CUEDC1: variants seen among roughly 807,000 people sequenced by gnomAD.
The protein encoded by CUEDC1 is CUE domain containing 1, also known as CUE domain-containing protein 1.
In CUEDC1, 30 loss-of-function variants were observed where a neutral mutation model predicts 43.7. The observed-to-expected ratio is 0.69, with a 90% CI of 0.51 to 0.93. CUEDC1 has a LOEUF of 0.93. Among genes scored for constraint, CUEDC1 ranks in the 40% least tolerant of loss-of-function variants. CUEDC1 has a pLI of 0.00. For missense variants in CUEDC1, 486 were observed against 549.0 expected, an observed-to-expected ratio of 0.89 and a Z score of 1.15; for synonymous variants, 223 against 223.6, an observed-to-expected ratio of 1.00 and a Z score of 0.02.
chr17:57,882,539 G>C (rs2074224813), intron 2 of CUEDC1, among the ~76,000 whole-genome samples: 1 of 152,164 alleles, frequency 6.6e-6, no homozygotes, highest in Non-Finnish European at 1.5e-5. Flanking sequence ...CTTGCAGAGA[G>C]CTTTCCTTCC....
intron 1 of CUEDC1, among the ~76,000 whole-genome samples, chr17:57,904,807 G>A (rs1298789118): frequency 1.3e-5 from 2 of 152,182 alleles, no homozygotes; most frequent in Admixed American, 1.3e-4. Flanking sequence ...CCTCGGCTCT[G>A]CAGGGGTGGC....
chr17:57,883,577 G>A (rs2074245259), intron 2 of CUEDC1, among the ~76,000 whole-genome samples: 1 of 152,074 alleles, frequency 6.6e-6, no homozygotes, highest in Admixed American at 6.5e-5. Context: ...TACAAAATTA[G>A]CCGGTCATGA....
At chr17:57,948,381 G>A (rs1042778659) in intron 1 of CUEDC1, among the ~76,000 whole-genome samples, 8 of 152,008 alleles carry the variant, frequency 5.3e-5, no homozygotes, top group East Asian at 1.9e-4. Context: ...GAGCACCCCC[G>A]GGTGATGCTG....
chr17:57,953,415 A>G (rs2075026323), intron 1 of CUEDC1, among the ~76,000 whole-genome samples: 1 of 152,192 alleles, frequency 6.6e-6, no homozygotes, highest in African/African-American at 2.4e-5. Flanking sequence ...CCACAAGCCC[A>G]AAGTTGCATA....
chr17:57,888,195 G>A (rs1217066348), intron 1 of CUEDC1, among the ~76,000 whole-genome samples: 3 of 152,094 alleles, frequency 2.0e-5, no homozygotes, highest in African/African-American at 2.4e-5. Flanking sequence ...GAGCCACTGC[G>A]CCCGGCATTA....
At position 57,871,360 on chromosome 17, in the gene CUEDC1, T is replaced by G. The variant is rs1378096909; in HGVS notation, c.794A>C (p.Lys265Thr). 1 of 1,613,640 alleles carries G rather than the reference T, an allele frequency of 6.2e-7. No individual in the cohort carries two copies. The highest frequency in any genetic ancestry group is 1.3e-5 in the African/African-American group (1 of 74,914). Reference sequence around the variant, plus strand: ...GGATTTAGATTTCTGGGATTCGTATTTCAATCGATCTGGAAAAGGACCACA... The same window carrying G: ...GGATTTAGATTTCTGGGATTCGTATGTCAATCGATCTGGAAAAGGACCACA... The part of the protein sequence containing the change: ...FLLALERDRL[K>T]YESQKSKSSS... The change falls in exon 6 of 11, where the codon AAA becomes ACA. Residue 265 changes from lysine (K) to threonine (T), a missense_variant. Coordinates refer to ENST00000577830, the MANE Select transcript of CUEDC1 (RefSeq NM_001271875.2).
chr17:57,868,225 AAC>A lies in CUEDC1; in HGVS notation c.957_958del (p.Phe320Ter). On this transcript the variant is annotated frameshift_variant, in exon 8 of 11. Coordinates refer to ENST00000577830, the MANE Select transcript of CUEDC1 (RefSeq NM_001271875.2). LOFTEE classifies it high-confidence loss of function. The stretch of plus-strand genomic sequence containing the variant: ...CTCTGAGAAGGCTCGGGCAAGTTCA[AAC>A]AGTTTCCTCCGGGTGGCTGGGGGCA... 1 of 1,614,136 alleles carries A rather than the reference AAC, an allele frequency of 6.2e-7. No individual in the cohort carries two copies. The highest frequency in any genetic ancestry group is 8.5e-7 in the Non-Finnish European group (1 of 1,179,990).
At chr17:57,916,191 A>T (rs1475290807) in intron 1 of CUEDC1, among the ~76,000 whole-genome samples, 2 of 152,240 alleles carry the variant, frequency 1.3e-5, no homozygotes, top group Admixed American at 6.5e-5. Flanking sequence ...CCAGGTGGCC[A>T]GCAGCTGCCT....
In CUEDC1 at chr17:57,866,421, T is replaced by TG. The variant is rs571523198; in HGVS notation, c.*3+52dup. 152 of 1,561,096 alleles carry TG rather than the reference T, an allele frequency of 9.7e-5. No homozygotes were observed. The African/African-American group carries it at 1.7e-3, about 17-fold the overall frequency. ...GGGAGGACATGTGGGGTGCATAGTG[T>TG]GGGGGGCCCTGGCCTTGGGCAGTCC... On this transcript the variant is annotated intron_variant, in intron 10 of 10. Coordinates refer to ENST00000577830, the MANE Select transcript of CUEDC1 (RefSeq NM_001271875.2).
intron 1 of CUEDC1, among the ~76,000 whole-genome samples, chr17:57,899,698 C>T (rs943561029): frequency 2.0e-5 from 3 of 152,206 alleles, no homozygotes; most frequent in Admixed American, 1.3e-4. Context: ...CCCAGGCCCT[C>T]GCAGCCATAG....
intron 1 of CUEDC1, among the ~76,000 whole-genome samples, chr17:57,890,255 T>G (rs775262756): frequency 2.0e-5 from 3 of 152,208 alleles, no homozygotes; most frequent in Non-Finnish European, 4.4e-5. Flanking sequence ...CAGCCATGTG[T>G]GCCCCAGGCT....
chr17:57,862,715 C>T lies in CUEDC1; in HGVS notation c.*574G>A, dbSNP rs573881397. 6.7e-4 allele frequency: 103 copies of T among 152,610 alleles called. No individual in the cohort carries two copies. Among genetic ancestry groups the T allele is most frequent in the Middle Eastern group, 3.4e-3 (1 of 298 alleles). The allele number at this position is 152,610 out of a possible 1,614,324, so 9.5% of individuals were successfully genotyped here. On this transcript the variant is annotated 3_prime_UTR_variant, in exon 11 of 11. Transcript: ENST00000577830. ...TCCCACCCAGGCTGGGTGCAGGGCT[C>T]GTGTGCTGGGCCAGCAGCCCCGGGG...
At chr17:57,878,692 A>T (rs2074163509) in intron 3 of CUEDC1, among the ~76,000 whole-genome samples, 1 of 147,112 alleles carries the variant, frequency 6.8e-6, no homozygotes, top group Non-Finnish European at 1.5e-5. Flanking sequence ...ATTTACTGAG[A>T]GTCTCACTCT....
At chr17:57,870,133 A>G (rs1464300900) in intron 6 of CUEDC1, among the ~76,000 whole-genome samples, 1 of 152,178 alleles carries the variant, frequency 6.6e-6, no homozygotes, top group South Asian at 2.1e-4. Flanking sequence ...TGCATGATGC[A>G]AGGTCTATTC....
At position 57,871,452 on chromosome 17, in the gene CUEDC1, C is replaced by T. The variant is rs75934723; in HGVS notation, c.785-83G>A. ...GGCTGGGCTGGGACACGGTAGTTTG[C>T]TAGAGGCTAAGTCCCCAGAATCACA... On this transcript the variant is annotated intron_variant, in intron 5 of 10. Coordinates refer to ENST00000577830, the MANE Select transcript of CUEDC1 (RefSeq NM_001271875.2). The T allele has an allele frequency of 1.4e-4, 162 of 1,144,666 alleles. 1 individual carries two copies. The highest frequency in any genetic ancestry group is 2.1e-4 in the Non-Finnish European group (157 of 760,336). The allele number at this position is 1,144,666 out of a possible 1,614,324, so 70.9% of individuals were successfully genotyped here.
intron 1 of CUEDC1, among the ~76,000 whole-genome samples, chr17:57,905,215 C>T (rs1464163404): frequency 6.6e-6 from 1 of 150,538 alleles, no homozygotes; most frequent in Non-Finnish European, 1.5e-5. Flanking sequence ...TAGAGACCAG[C>T]AGGCTAATGG....
chr17:57,885,176 G>C, intron 2 of CUEDC1, 53 bp downstream of exon 2: 1 of 1,495,126 alleles, frequency 6.7e-7, no homozygotes, highest in Non-Finnish European at 8.9e-7. Flanking sequence ...CCCTACCTCC[G>C]GGGGGATGCT....
chr17:57,901,263 T>C (rs1391268380), intron 1 of CUEDC1, among the ~76,000 whole-genome samples: 2 of 152,176 alleles, frequency 1.3e-5, no homozygotes, highest in African/African-American at 4.8e-5. Context: ...CCTCCAACAT[T>C]CTCTGTGTCC....
rs967134354 is a variant in CUEDC1 at position 57,921,864 on chromosome 17, G to A, written c.-316+33361C>T. Among the ~76,000 whole-genome samples, 4 of 152,200 alleles carry A rather than the reference G, an allele frequency of 2.6e-5. No individual in the cohort carries two copies. In the South Asian group the frequency reaches 8.3e-4, roughly 31 times the overall value. On this transcript the variant is annotated intron_variant, in intron 1 of 10. Transcript: ENST00000577830. The stretch of plus-strand genomic sequence containing the variant: ...GCAGTGGCTCACACCTATAATCCCA[G>A]CACTTTAGGAGGCCAAGATGGGCGT...
Sources: allele counts gnomAD v4.1 joint callset (sites outside exome capture counted in the v4.1 genomes callset), GRCh38; gene constraint gnomAD v4.1.1; transcripts MANE v1.5; gene names NCBI Gene and HGNC (gene_info 2026-07-23, HGNC 2026-07-21).